The following ATG5 variants were observed in gnomAD, a reference collection of about 807,000 sequenced individuals.
ATG5 encodes the protein autophagy protein 5.
ATG5 carries 14 observed loss-of-function variants against 36.5 expected under a neutral mutation model. That is an observed-to-expected ratio of 0.38 (90% CI 0.25 to 0.60). ATG5 has a LOEUF of 0.60. Ranked by LOEUF, ATG5 falls within the 20% of genes least tolerant of loss-of-function variation. ATG5 has a pLI of 0.60. For missense variants in ATG5, 195 were observed against 326.7 expected (o/e 0.60, Z 3.11); for synonymous variants, 95 against 101.5 (o/e 0.94, Z 0.38).
chr6:106,280,149 T>C (rs1779823524), intron 4 of ATG5, among the ~76,000 whole-genome samples: 1 of 151,478 alleles, frequency 6.6e-6, no homozygotes, highest in Admixed American at 6.6e-5. Flanking sequence ...CTAACAGAAA[T>C]GTAAAATAGT....
intron 6 of ATG5, among the ~76,000 whole-genome samples, chr6:106,230,326 A>C (rs1427555902): frequency 6.6e-6 from 1 of 152,198 alleles, no homozygotes; most frequent in Admixed American, 6.5e-5. Context: ...GTTTATGGGA[A>C]TGCATCTTGA....
chr6:106,282,648 A>G (rs1375224534), intron 4 of ATG5, among the ~76,000 whole-genome samples: 1 of 152,212 alleles, frequency 6.6e-6, no homozygotes, highest in Non-Finnish European at 1.5e-5. Flanking sequence ...TTTCATATCT[A>G]TCCTTTGTCA....
At chr6:106,251,644 A>G (rs866035398) in intron 5 of ATG5, among the ~76,000 whole-genome samples, 24 of 264 alleles carry the variant, frequency 0.091, no homozygotes, top group African/African-American at 0.12. Context: ...AGAGAGAGAG[A>G]GAGGGAGGGA....
At chr6:106,267,179 A>T (rs1779259628) in intron 5 of ATG5, among the ~76,000 whole-genome samples, 3 of 152,252 alleles carry the variant, frequency 2.0e-5, no homozygotes, top group Non-Finnish European at 4.4e-5. Flanking sequence ...AAAAATCACA[A>T]GCATTCCTAT....
intron 3 of ATG5, among the ~76,000 whole-genome samples, chr6:106,299,404 T>C (rs145164283): frequency 5.9e-5 from 9 of 152,308 alleles, no homozygotes; most frequent in Non-Finnish European, 4.4e-5. Flanking sequence ...CCATGGTTGG[T>C]TGAATCCATG....
At chr6:106,227,606 C>G (rs1582576654) in intron 6 of ATG5, among the ~76,000 whole-genome samples, 1 of 152,150 alleles carries the variant, frequency 6.6e-6, no homozygotes, top group Non-Finnish European at 1.5e-5. Context: ...AAATGTCAAC[C>G]AAAAACTACA....
intron 2 of ATG5, among the ~76,000 whole-genome samples, chr6:106,311,066 T>C (rs1304610506): frequency 6.6e-6 from 1 of 152,218 alleles, no homozygotes; most frequent in Non-Finnish European, 1.5e-5. Flanking sequence ...TGCCCATAAT[T>C]TTAATTCTTT....
chr6:106,320,758 T>C (rs568873913), intron 1 of ATG5, among the ~76,000 whole-genome samples: 23 of 151,932 alleles, frequency 1.5e-4, no homozygotes, highest in Non-Finnish European at 2.1e-4. Flanking sequence ...CCATGAAACA[T>C]ACCAAACAGA....
chr6:106,230,253 T>C (rs1003176714), intron 6 of ATG5, among the ~76,000 whole-genome samples: 4 of 152,194 alleles, frequency 2.6e-5, no homozygotes, highest in Admixed American at 1.3e-4. Flanking sequence ...AAAAAGACTA[T>C]CTCAATCCTG....
chr6:106,308,842 C>G (rs931568956), intron 2 of ATG5, among the ~76,000 whole-genome samples: 4 of 152,088 alleles, frequency 2.6e-5, no homozygotes. Flanking sequence ...TAAAATGATT[C>G]ATCTGAGTCA....
chr6:106,218,970 T>A (rs113082731), intron 6 of ATG5, among the ~76,000 whole-genome samples: 42 of 151,596 alleles, frequency 2.8e-4, no homozygotes, highest in Non-Finnish European at 4.6e-4. Context: ...GGAAGGATTC[T>A]ATGAGGGAGG....
intron 5 of ATG5, among the ~76,000 whole-genome samples, chr6:106,275,684 A>C (rs1056404321): frequency 6.6e-5 from 10 of 152,244 alleles, no homozygotes; most frequent in African/African-American, 1.2e-4. Flanking sequence ...TTTATGCCCC[A>C]AAAAATTGTA....
intron 6 of ATG5, among the ~76,000 whole-genome samples, chr6:106,212,154 G>A (rs778662017): frequency 1.5e-4 from 23 of 152,192 alleles, no homozygotes; most frequent in Non-Finnish European, 2.5e-4. Flanking sequence ...AAAAGGGATG[G>A]ACTCTGGAAA....
At chr6:106,220,414 T>A (rs1205832265) in intron 6 of ATG5, among the ~76,000 whole-genome samples, 1 of 151,052 alleles carries the variant, frequency 6.6e-6, no homozygotes, top group Non-Finnish European at 1.5e-5. Context: ...AAAACAGGCA[T>A]CACACACAAG....
intron 5 of ATG5, among the ~76,000 whole-genome samples, chr6:106,257,650 T>C (rs928078398): frequency 6.6e-6 from 1 of 152,218 alleles, no homozygotes; most frequent in Non-Finnish European, 1.5e-5. Flanking sequence ...TTTGCAAAGA[T>C]GGTAATATTT....
At chr6:106,226,991 T>C (rs759915921) in intron 6 of ATG5, among the ~76,000 whole-genome samples, 7 of 151,814 alleles carry the variant, frequency 4.6e-5, no homozygotes, top group Non-Finnish European at 1.0e-4. Context: ...CCAATATACA[T>C]ATAATGAGAG....
At chr6:106,307,244 C>T (rs556609171) in intron 3 of ATG5, among the ~76,000 whole-genome samples, 42 of 152,306 alleles carry the variant, frequency 2.8e-4, no homozygotes, top group South Asian at 1.4e-3. Flanking sequence ...TTTTAATATT[C>T]CCCGATTCAG....
chr6:106,279,597 C>G (rs1779796184), intron 5 of ATG5, 64 bp downstream of exon 5: 4 of 1,274,116 alleles, frequency 3.1e-6, no homozygotes, highest in Non-Finnish European at 2.1e-6. Context: ...CAACTACTCA[C>G]AGGGTTATGG....
At chr6:106,203,840 C>G (rs537024667) in intron 6 of ATG5, among the ~76,000 whole-genome samples, 55 of 152,096 alleles carry the variant, frequency 3.6e-4, no homozygotes, top group African/African-American at 1.3e-3. Context: ...TAGGCATTAG[C>G]GACAAGGTTT....
Sources: allele counts gnomAD v4.1 joint callset (sites outside exome capture counted in the v4.1 genomes callset), GRCh38; gene constraint gnomAD v4.1.1; transcripts MANE v1.5; gene names NCBI Gene and HGNC (gene_info 2026-07-23, HGNC 2026-07-21).